Variants in SIGLEC5 observed in about 807,000 individuals in gnomAD.
SIGLEC5 encodes the protein sialic acid-binding Ig-like lectin 5.
A neutral mutation model predicts 45.9 loss-of-function variants in SIGLEC5; 34 were observed. The observed-to-expected ratio is 0.74, with a 90% confidence interval of 0.56 to 0.99. The LOEUF is 0.99. SIGLEC5 is among the 50% of genes least tolerant of loss of function. SIGLEC5 has a pLI of 0.00. For synonymous variants in SIGLEC5, 203 were observed against 258.6 expected, an observed-to-expected ratio of 0.79 and a Z score of 2.06; for missense variants, 508 against 629.6, an observed-to-expected ratio of 0.81 and a Z score of 2.07.
Position 51,626,119 on chromosome 19 carries a change from G to T in SIGLEC5, c.1383-6C>A. On this transcript the variant is annotated splice_region_variant and splice_polypyrimidine_tract_variant and intron_variant, in intron 7 of 8. Coordinates refer to ENST00000683636, the MANE Select transcript of SIGLEC5 (RefSeq NM_003830.4). ...GCTTCCTGCGGGCTTTCACTCTAAGGAAAGAAACCAGCACAGTGCAGCTGG... is the reference window on the plus strand; with the variant it reads ...GCTTCCTGCGGGCTTTCACTCTAAGTAAAGAAACCAGCACAGTGCAGCTGG... The T allele has an allele frequency of 2.5e-6, 4 of 1,613,138 alleles. No individual in the cohort carries two copies. Among genetic ancestry groups the T allele is most frequent in the Non-Finnish European group, 2.5e-6 (3 of 1,179,780 alleles).
At chr19:51,617,690 G>C (rs1050752066) in intron 8 of SIGLEC5, among the ~76,000 whole-genome samples, 7 of 152,010 alleles carry the variant, frequency 4.6e-5, no homozygotes, top group African/African-American at 1.5e-4. Flanking sequence ...AAACCCACTG[G>C]GGGGAAGAAT....
intron 8 of SIGLEC5, among the ~76,000 whole-genome samples, chr19:51,613,287 T>C (rs760366689): frequency 9.9e-5 from 15 of 152,156 alleles, no homozygotes; most frequent in Non-Finnish European, 2.1e-4. Context: ...GATGGCCAGA[T>C]CTCTGGGGTT....
chr19:51,628,530 T>C (rs1294107457), intron 4 of SIGLEC5, among the ~76,000 whole-genome samples: 2 of 152,062 alleles, frequency 1.3e-5, no homozygotes, highest in East Asian at 3.9e-4. Context: ...ATGGGTGGGG[T>C]CTAAAGTCTG....
At chr19:51,613,516 G>A (rs1040590840) in intron 8 of SIGLEC5, among the ~76,000 whole-genome samples, 9 of 152,044 alleles carry the variant, frequency 5.9e-5, no homozygotes, top group African/African-American at 1.7e-4. Context: ...CCCAGGAACC[G>A]GCACAGGGCA....
intron 8 of SIGLEC5, among the ~76,000 whole-genome samples, chr19:51,623,715 T>G (rs897749037): frequency 6.6e-6 from 1 of 152,130 alleles, no homozygotes; most frequent in Admixed American, 6.5e-5. Flanking sequence ...TTTCATGACC[T>G]TGTAAAGATG....
chr19:51,616,919 C>CAAAAAAAAAAAAAAAAAAAAAA, intron 8 of SIGLEC5, among the ~76,000 whole-genome samples: 1 of 106,558 alleles, frequency 9.4e-6, no homozygotes, highest in Non-Finnish European at 1.7e-5. Context: ...AAAAAAAAAA[C>CAAAAAAAAAAAAAAAAAAAAAA]AAAAAAAAAA....
chr19:51,619,177 C>T (rs1303412793), intron 8 of SIGLEC5, among the ~76,000 whole-genome samples: 3 of 152,190 alleles, frequency 2.0e-5, no homozygotes, highest in Admixed American at 6.5e-5. Context: ...TGGGTTCATA[C>T]GATTCTCCTG....
At chr19:51,620,004 G>A (rs1334593747) in intron 8 of SIGLEC5, among the ~76,000 whole-genome samples, 5 of 151,268 alleles carry the variant, frequency 3.3e-5, no homozygotes, top group South Asian at 4.2e-4. Flanking sequence ...AAGTAATCTC[G>A]ACAAAAACAA....
chr19:51,626,084 C>G lies in SIGLEC5; in HGVS notation c.1412G>C (p.Gly471Ala). The change falls in exon 8 of 9, where the codon GGG (glycine) becomes GCG (alanine). Residue 471 changes from glycine (G) to alanine (A), a missense_variant. By Grantham distance (60) the Gly-to-Ala change is moderately conservative (BLOSUM62 0). Coordinates refer to ENST00000683636, the MANE Select transcript of SIGLEC5 (RefSeq NM_003830.4). Reference protein sequence around the residue: ...IVKARRKQAAGRPEKMDDEDP... With the variant: ...IVKARRKQAAARPEKMDDEDP... ...TTCATCATCCATTTTCTCTGGTCTC[C>G]CAGCTGCTTGCTTCCTGCGGGCTTT... The G allele has an allele frequency of 6.2e-7, 1 of 1,613,896 alleles. No individual in the cohort carries two copies. Among genetic ancestry groups the G allele is most frequent in the Non-Finnish European group, 8.5e-7 (1 of 1,180,028 alleles).
chr19:51,616,772 G>A (rs780994977), intron 8 of SIGLEC5, among the ~76,000 whole-genome samples: 8 of 151,840 alleles, frequency 5.3e-5, no homozygotes, highest in African/African-American at 7.3e-5. Flanking sequence ...TTAGCCAGGC[G>A]TGATGATGTG....
At chr19:51,629,123 T>C (rs1471391829) in intron 3 of SIGLEC5, 47 bp from the exon 4 acceptor site, 1 of 1,601,420 alleles carries the variant, frequency 6.2e-7, no homozygotes. Flanking sequence ...AGGAGTGAGA[T>C]GGGCATGGGC....
At chr19:51,613,126 G>T (rs776524193) in intron 8 of SIGLEC5, among the ~76,000 whole-genome samples, 1 of 152,118 alleles carries the variant, frequency 6.6e-6, no homozygotes, top group South Asian at 2.1e-4. Flanking sequence ...GTCTTGGTGG[G>T]AATAAACCGG....
At chr19:51,618,747 G>A (rs1371274164) in intron 8 of SIGLEC5, among the ~76,000 whole-genome samples, 4 of 131,692 alleles carry the variant, frequency 3.0e-5, no homozygotes, top group Non-Finnish European at 6.2e-5. Context: ...AGCCGAGATC[G>A]TGCCACTGCA....
At chr19:51,619,312 C>A (rs1289686469) in intron 8 of SIGLEC5, among the ~76,000 whole-genome samples, 1 of 152,146 alleles carries the variant, frequency 6.6e-6, no homozygotes. Flanking sequence ...GAACTCCTGA[C>A]CTTGTGATCT....
intron 8 of SIGLEC5, among the ~76,000 whole-genome samples, chr19:51,624,297 T>C (rs1983397702): frequency 6.6e-6 from 1 of 152,158 alleles, no homozygotes; most frequent in Non-Finnish European, 1.5e-5. Context: ...TGTAGATTCA[T>C]AAACAATTAA....
intron 8 of SIGLEC5, among the ~76,000 whole-genome samples, chr19:51,619,447 A>G (rs545036148): frequency 1.3e-5 from 2 of 152,310 alleles, no homozygotes; most frequent in South Asian, 4.1e-4. Context: ...CAGGCCACAG[A>G]TCAAGTCTCA....
chr19:51,624,325 A>G (rs1983398272), intron 8 of SIGLEC5, among the ~76,000 whole-genome samples: 1 of 152,186 alleles, frequency 6.6e-6, no homozygotes, highest in Non-Finnish European at 1.5e-5. Context: ...TAGTGGCATA[A>G]GCCTACATAT....
At position 51,627,546 on chromosome 19, in the gene SIGLEC5, C is replaced by T. The variant is rs749481373; in HGVS notation, c.1198G>A (p.Gly400Arg). The T allele has an allele frequency of 5.0e-5, 81 of 1,614,014 alleles. No homozygotes were observed. The highest frequency in any genetic ancestry group is 1.6e-4 in the Middle Eastern group (1 of 6,082). ...PWANSSLILH[G>R]GLSSDLKVSC... ...ACTTTGAGGTCGGAGCTGAGCCCCC[C>T]GTGGAGGATCAGGGAGCTGTTGGCC... The change falls in exon 6 of 9, where the codon GGG becomes AGG. Residue 400 changes from glycine (G) to arginine (R), a missense_variant. Physicochemically the swap from Gly to Arg is moderately radical, Grantham distance 125 (BLOSUM62 -2). Coordinates refer to ENST00000683636, the MANE Select transcript of SIGLEC5 (RefSeq NM_003830.4).
At chr19:51,616,551 T>G (rs1176057754) in intron 8 of SIGLEC5, among the ~76,000 whole-genome samples, 1 of 151,974 alleles carries the variant, frequency 6.6e-6, no homozygotes, top group Non-Finnish European at 1.5e-5. Context: ...AAGTATCCCC[T>G]AAAAGGAAGT....
Sources: allele counts gnomAD v4.1 joint callset (sites outside exome capture counted in the v4.1 genomes callset), GRCh38; gene constraint gnomAD v4.1.1; transcripts MANE v1.5; gene names NCBI Gene and HGNC (gene_info 2026-07-23, HGNC 2026-07-21).